CORO2B: variants seen among roughly 807,000 people sequenced by gnomAD.
CORO2B encodes the protein coronin-2B.
Under a neutral mutation model 58.8 loss-of-function variants are expected in CORO2B, and 26 were observed. The ratio of observed to expected loss-of-function variants is 0.44; its 90% CI spans 0.32 to 0.61. The LOEUF (loss-of-function observed/expected upper bound fraction) is 0.61. CORO2B is among the 20% of genes least tolerant of loss of function. CORO2B has a pLI of 0.04. For missense variants in CORO2B, 460 were observed against 645.1 expected, an observed-to-expected ratio of 0.71 and a Z score of 3.11; for synonymous variants, 242 against 253.8, an observed-to-expected ratio of 0.95 and a Z score of 0.44.
intron 2 of CORO2B, among the ~76,000 whole-genome samples, chr15:68,665,490 G>A (rs1261733563): frequency 6.6e-6 from 1 of 150,848 alleles, no homozygotes; most frequent in East Asian, 1.9e-4. Context: ...ATAATTTTAG[G>A]ATCTGCTTAT....
At chr15:68,578,672 A>G (rs554651629), upstream of CORO2B, among the ~76,000 whole-genome samples, 146 of 152,112 alleles carry the variant, frequency 9.6e-4, no homozygotes, top group African/African-American at 2.8e-3. This position sits in a 1 kb window ranked among gnomAD's most constrained non-coding sequence, Gnocchi z 4.2. Context: ...CTGTGACTTC[A>G]CCAGCGTCCC....
At chr15:68,595,968 C>T (rs946682902) in intron 1 of CORO2B, among the ~76,000 whole-genome samples, 1 of 151,444 alleles carries the variant, frequency 6.6e-6, no homozygotes, top group African/African-American at 2.4e-5. Context: ...GCAGCGACGC[C>T]GTGGGGTGCT....
intron 1 of CORO2B, among the ~76,000 whole-genome samples, chr15:68,589,570 A>G (rs1036989451): frequency 6.6e-6 from 1 of 152,234 alleles, no homozygotes; most frequent in Admixed American, 6.5e-5. Context: ...AGTTTTCCCA[A>G]GGGGGTATAG....
At chr15:68,545,539 T>G in the CORO2B span, among the ~76,000 whole-genome samples, 2 of 145,582 alleles carry the variant, frequency 1.4e-5, no homozygotes, top group Non-Finnish European at 3.0e-5. Flanking sequence ...TCCCTGAGGC[T>G]AGGCCCCAAT....
intron 11 of CORO2B, among the ~76,000 whole-genome samples, chr15:68,725,317 C>T (rs1020105918): frequency 3.3e-5 from 5 of 151,888 alleles, no homozygotes; most frequent in South Asian, 2.1e-4. Context: ...TGCAGTGAGC[C>T]GAAATCATGC....
chr15:68,672,012 T>C (rs1305901787), intron 2 of CORO2B, among the ~76,000 whole-genome samples: 1 of 152,126 alleles, frequency 6.6e-6, no homozygotes, highest in African/African-American at 2.4e-5. Flanking sequence ...CCCAGCTTTT[T>C]TGGAAGCCCT....
intron 1 of CORO2B, among the ~76,000 whole-genome samples, chr15:68,618,319 C>A (rs1022288814): frequency 6.6e-6 from 1 of 152,096 alleles, no homozygotes; most frequent in Non-Finnish European, 1.5e-5. Context: ...ATGGGTTGAG[C>A]GTTGCATATA....
At chr15:68,521,441 G>A in the CORO2B span, among the ~76,000 whole-genome samples, 2 of 151,992 alleles carry the variant, frequency 1.3e-5, no homozygotes, top group African/African-American at 4.8e-5. Flanking sequence ...TATATATTTT[G>A]AATGTCACAT....
chr15:68,646,105 A>G (rs1901420690), intron 2 of CORO2B, among the ~76,000 whole-genome samples: 3 of 151,922 alleles, frequency 2.0e-5, no homozygotes, highest in East Asian at 1.9e-4. Context: ...CTCTCTACTG[A>G]GAGACTGGAA....
Position 68,705,436 on chromosome 15 carries a change from C to CAAAAAAAAAAA in CORO2B, c.334-5288_334-5278dup, listed in dbSNP as rs35973911. On this transcript the variant is annotated intron_variant, in intron 3 of 11. Coordinates refer to ENST00000261861, the MANE Select transcript of CORO2B (RefSeq NM_006091.5). ...CTGGGCAAAAGGTGAAACTCTATCT[C>CAAAAAAAAAAA]AAAAAAAAAAAAAAAAAAGAAAGTA... 9.0e-3 allele frequency among the ~76,000 whole-genome samples: 1,008 copies of CAAAAAAAAAAA among 112,462 alleles called. 12 individuals carry two copies. The highest frequency in any genetic ancestry group is 0.033 in the African/African-American group (907 of 27,790). 73.8% of individuals were successfully genotyped at this position (112,462 alleles called of 152,430 possible). A position where few individuals can be genotyped will look rare whatever the true frequency, so the allele number is the denominator to read the frequency against.
the CORO2B span, among the ~76,000 whole-genome samples, chr15:68,551,136 T>C: frequency 3.3e-5 from 5 of 151,986 alleles, no homozygotes; most frequent in Non-Finnish European, 5.9e-5. Flanking sequence ...CGCTCAGCCT[T>C]TCCCAGCACT....
In CORO2B at chr15:68,718,783, G is replaced by A. The variant is rs371298561; in HGVS notation, c.1053G>A (p.Glu351=). ...YKLVTLKGLI[E]PISMIVPRRS... The stretch of plus-strand genomic sequence containing the variant: ...TGGTGACTCTCAAGGGCCTGATCGA[G>A]CCCATCTCCATGATCGTGCCCCGGA... The change falls in exon 9 of 12, where the codon GAG becomes GAA. Residue 351 remains glutamate, a synonymous_variant. Coordinates refer to ENST00000261861, the MANE Select transcript of CORO2B (RefSeq NM_006091.5). 1.4e-5 allele frequency: 23 copies of A among 1,614,018 alleles called. No individual in the cohort carries two copies. The African/African-American group carries it at 2.7e-4, about 19-fold the overall frequency.
chr15:68,638,382 T>C (rs753028697), intron 1 of CORO2B, among the ~76,000 whole-genome samples: 1 of 152,262 alleles, frequency 6.6e-6, no homozygotes, highest in Non-Finnish European at 1.5e-5. Flanking sequence ...TTTGGTCACT[T>C]CATTGTATCC....
chr15:68,582,318 G>T (rs750211307), intron 1 of CORO2B, among the ~76,000 whole-genome samples: 2 of 152,204 alleles, frequency 1.3e-5, no homozygotes, highest in Non-Finnish European at 2.9e-5. Flanking sequence ...GGATGAGAAA[G>T]AGAAGAAAGC....
intron 2 of CORO2B, among the ~76,000 whole-genome samples, chr15:68,686,434 G>C (rs910607595): frequency 1.3e-5 from 2 of 152,194 alleles, no homozygotes; most frequent in African/African-American, 4.8e-5. Flanking sequence ...CTTAGAGGCA[G>C]ACAGCCAAGT....
At chr15:68,574,107 G>A (rs756385227), upstream of CORO2B, among the ~76,000 whole-genome samples, 2 of 152,184 alleles carry the variant, frequency 1.3e-5, no homozygotes, top group Non-Finnish European at 2.9e-5. Context: ...GTGTGTGCAA[G>A]AGCTGCTGGG....
At chr15:68,518,425 T>C in the CORO2B span, among the ~76,000 whole-genome samples, 1 of 152,168 alleles carries the variant, frequency 6.6e-6, no homozygotes, top group Non-Finnish European at 1.5e-5. Context: ...TTCCCTCCCC[T>C]GTCCTCATTC....
intron 1 of CORO2B, among the ~76,000 whole-genome samples, chr15:68,608,854 A>G (rs979237758): frequency 2.0e-5 from 3 of 152,106 alleles, no homozygotes; most frequent in African/African-American, 7.2e-5. Flanking sequence ...CAGCATCATC[A>G]TTCCCTTCCA....
chr15:68,563,711 A>T, the CORO2B span, among the ~76,000 whole-genome samples: 1,437 of 152,236 alleles, frequency 9.4e-3, 32 homozygotes, highest in African/African-American at 0.032. Context: ...GGACAATACT[A>T]CCAACCTTAC....
Sources: gnomAD v4.1 joint callset for allele counts (sites outside exome capture counted in the v4.1 genomes callset) on GRCh38, gnomAD v4.1.1 for gene constraint, Gnocchi (gnomAD v3.1) non-coding constraint, MANE v1.5 for transcripts, NCBI Gene and HGNC (gene_info 2026-07-23, HGNC 2026-07-21) for gene names.